The following BRINP2 variants were observed in gnomAD, a reference collection of about 807,000 sequenced individuals.
The protein encoded by BRINP2 is BMP/retinoic acid inducible neural specific 2, also known as BMP/retinoic acid-inducible neural-specific protein 2.
BRINP2 carries 21 observed loss-of-function variants against 69.2 expected under a neutral mutation model. The ratio of observed to expected loss-of-function variants is 0.30; its 90% CI spans 0.22 to 0.44. The LOEUF (loss-of-function observed/expected upper bound fraction) is 0.44, where lower values mean the gene tolerates loss of function less well. Among genes scored for constraint, BRINP2 ranks in the 20% least tolerant of loss-of-function variants. The pLI is 1.00. For synonymous variants in BRINP2, 380 were observed against 394.1 expected (o/e 0.96, Z 0.42); for missense variants, 877 against 986.0 (o/e 0.89, Z 1.48).
intron 1 of BRINP2, among the ~76,000 whole-genome samples, chr1:177,188,627 T>G (rs915804521): frequency 6.6e-6 from 1 of 152,152 alleles, no homozygotes; most frequent in African/African-American, 2.4e-5. Context: ...ATACTTTTTT[T>G]CTAGTAACTG....
intron 1 of BRINP2, among the ~76,000 whole-genome samples, chr1:177,192,184 C>T (rs1648614874): frequency 6.6e-6 from 1 of 152,158 alleles, no homozygotes; most frequent in African/African-American, 2.4e-5. Context: ...CTAATTTCCT[C>T]TCGTTACTTT....
chr1:177,211,167 T>G (rs528700406), intron 1 of BRINP2, among the ~76,000 whole-genome samples: 7 of 152,128 alleles, frequency 4.6e-5, no homozygotes, highest in Non-Finnish European at 8.8e-5. Flanking sequence ...TAAAAGAGCA[T>G]ATATTTTAAA....
intron 1 of BRINP2, among the ~76,000 whole-genome samples, chr1:177,179,301 A>G (rs1648178973): frequency 6.6e-6 from 1 of 152,206 alleles, no homozygotes; most frequent in Admixed American, 6.5e-5. Flanking sequence ...CAATTGAGAA[A>G]AGTAGAAATT....
At position 177,238,377 on chromosome 1, in the gene BRINP2, C is replaced by T. The variant is rs1650092973; in HGVS notation, c.269+8232C>T. On this transcript the variant is annotated intron_variant, in intron 2 of 7. Coordinates refer to ENST00000361539, the MANE Select transcript of BRINP2 (RefSeq NM_021165.4). ...GGCAATGCCAGTCCTACAATCCTGC[C>T]TTTGCCCCAAACTAAAGTCAGCTGG... is the stretch of plus-strand genomic sequence containing the variant. Among the ~76,000 whole-genome samples the T allele has an allele frequency of 2.0e-5, 3 of 152,226 alleles. No individual in the cohort carries two copies. The South Asian group carries it at 6.2e-4, about 31-fold the overall frequency.
intron 1 of BRINP2, among the ~76,000 whole-genome samples, chr1:177,202,792 A>G (rs549540255): frequency 4.6e-5 from 7 of 152,312 alleles, no homozygotes; most frequent in African/African-American, 1.7e-4. Context: ...ATCTCACACC[A>G]GTTAGAATGG....
At chr1:177,173,778 A>G (rs2102283476) in intron 1 of BRINP2, among the ~76,000 whole-genome samples, 1 of 152,332 alleles carries the variant, frequency 6.6e-6, no homozygotes, top group East Asian at 1.9e-4. Context: ...GCATCACAGA[A>G]AAATGATACA....
chr1:177,193,497 C>T (rs1648649321), intron 1 of BRINP2, among the ~76,000 whole-genome samples: 1 of 152,134 alleles, frequency 6.6e-6, no homozygotes, highest in East Asian at 1.9e-4. Context: ...CAGGAATGCC[C>T]AACAGGCACC....
At chr1:177,176,623 A>C (rs940574634) in intron 1 of BRINP2, among the ~76,000 whole-genome samples, 1 of 151,656 alleles carries the variant, frequency 6.6e-6, no homozygotes, top group Non-Finnish European at 1.5e-5. Context: ...CAGAGGCATG[A>C]AATAGGAGGA....
At chr1:177,276,112 C>A in intron 5 of BRINP2, 86 bp from the exon 6 acceptor site, 1 of 1,286,168 alleles carries the variant, frequency 7.8e-7, no homozygotes, top group Non-Finnish European at 1.1e-6. Context: ...AGCAGAACTC[C>A]AGCTGGGATT....
In BRINP2 at chr1:177,281,026, A is replaced by C. The variant is rs796395753; in HGVS notation, c.1850A>C (p.Asn617Thr). The change falls in exon 8 of 8, where the codon AAC (asparagine) becomes ACC (threonine). Residue 617 changes from asparagine to threonine, a missense_variant. Asn to Thr is a moderately conservative substitution (Grantham distance 65). Coordinates refer to ENST00000361539, the MANE Select transcript of BRINP2 (RefSeq NM_021165.4). ...EGSFPDWERT[N>T]VDAAAQCQNW... ...AGCTTTCCTGACTGGGAAAGGACTAACGTGGATGCAGCTGCCCAGTGCCAA... is the reference window on the plus strand; with the variant it reads ...AGCTTTCCTGACTGGGAAAGGACTACCGTGGATGCAGCTGCCCAGTGCCAA... The C allele has an allele frequency of 4.3e-6, 7 of 1,614,212 alleles. No homozygotes were observed. The African/African-American group carries it at 9.3e-5, about 22-fold the overall frequency.
chr1:177,243,083 T>C (rs1300599413), intron 2 of BRINP2, among the ~76,000 whole-genome samples: 1 of 152,020 alleles, frequency 6.6e-6, no homozygotes, highest in Non-Finnish European at 1.5e-5. Context: ...TATTTCTAGC[T>C]AAATGCTTAT....
chr1:177,232,228 C>T (rs1403524489), intron 2 of BRINP2, among the ~76,000 whole-genome samples: 1 of 152,174 alleles, frequency 6.6e-6, no homozygotes, highest in Non-Finnish European at 1.5e-5. Flanking sequence ...CTTCCTTATC[C>T]CCTCAGGAGA....
intron 1 of BRINP2, among the ~76,000 whole-genome samples, chr1:177,207,475 C>A (rs763175344): frequency 7.2e-5 from 11 of 152,110 alleles, no homozygotes; most frequent in Admixed American, 2.0e-4. Context: ...ATAACAGAGT[C>A]CTGCAGGCAT....
chr1:177,235,209 C>T (rs1028914695), intron 2 of BRINP2, among the ~76,000 whole-genome samples: 3 of 152,046 alleles, frequency 2.0e-5, no homozygotes, highest in Non-Finnish European at 2.9e-5. Context: ...TAACAGGATC[C>T]CCAGGTGAAC....
At position 177,281,378 on chromosome 1, in the gene BRINP2, C is replaced by A; in HGVS notation, c.2202C>A (p.Gly734=). ...GGGTGAACCAGCTTTCTCCACCTGGCAAAGTCCGACTTGACCTTTTCTCCT... is the reference window on the plus strand; with the variant it reads ...GGGTGAACCAGCTTTCTCCACCTGGAAAAGTCCGACTTGACCTTTTCTCCT... ...RDRVNQLSPP[G]KVRLDLFSCL... is the part of the protein sequence containing the mutation. The change falls in exon 8 of 8, where the codon GGC becomes GGA. Residue 734 remains glycine (G), a synonymous_variant. Coordinates refer to ENST00000361539, the MANE Select transcript of BRINP2 (RefSeq NM_021165.4). The A allele has an allele frequency of 6.2e-7, 1 of 1,614,162 alleles. No individual in the cohort carries two copies.
Position 177,280,063 on chromosome 1 carries a change from C to T in BRINP2, c.1236-349C>T, listed in dbSNP as rs540300080. ...GCAAGAAGTTAGAAGATTTGAAGAA[C>T]CATCTTATTTAGAAGGCTGAAAACA... On this transcript the variant is annotated intron_variant, in intron 7 of 7. Transcript: ENST00000361539. 4.2e-4 allele frequency among the ~76,000 whole-genome samples: 64 copies of T among 152,184 alleles called. No homozygotes were observed. In the Middle Eastern group the frequency reaches 0.014, roughly 33 times the overall value.
At chr1:177,244,752 G>A (rs1404421833) in intron 2 of BRINP2, among the ~76,000 whole-genome samples, 2 of 152,212 alleles carry the variant, frequency 1.3e-5, no homozygotes, top group Admixed American at 1.3e-4. Flanking sequence ...TTCTAGTGGT[G>A]TTTATTCTGG....
chr1:177,196,970 C>T (rs1648765805), intron 1 of BRINP2, among the ~76,000 whole-genome samples: 1 of 152,140 alleles, frequency 6.6e-6, no homozygotes, highest in African/African-American at 2.4e-5. Context: ...GTTGGATCCC[C>T]ACATCTCAAA....
At position 177,187,206 on chromosome 1, in the gene BRINP2, G is replaced by C. The variant is rs74127705; in HGVS notation, c.-77+15474G>C. ...ATTTTGTGGCTTCTCTAACTCAACT[G>C]TTTCCTGCCCTAGCATATTGTGCCC... On this transcript the variant is annotated intron_variant, in intron 1 of 7. Transcript: ENST00000361539. 2.5e-3 allele frequency among the ~76,000 whole-genome samples: 367 copies of C among 148,578 alleles called. 4 individuals are homozygous for C. The highest frequency in any genetic ancestry group is 9.4e-3 in the African/African-American group (360 of 38,284).
Sources: allele counts gnomAD v4.1 joint callset (sites outside exome capture counted in the v4.1 genomes callset), GRCh38; gene constraint gnomAD v4.1.1; transcripts MANE v1.5; gene names NCBI Gene and HGNC (gene_info 2026-07-23, HGNC 2026-07-21).